The following COL26A1 variants were observed in gnomAD, a reference collection of about 807,000 sequenced individuals.
COL26A1 encodes collagen type XXVI alpha 1 chain, also known as collagen alpha-1(XXVI) chain.
COL26A1 carries 41 observed loss-of-function variants against 59.3 expected under a neutral mutation model. That is an observed-to-expected ratio of 0.69 (90% CI 0.54 to 0.90). COL26A1 has a LOEUF of 0.90. Ranked by LOEUF, COL26A1 falls within the 40% of genes least tolerant of loss-of-function variation. COL26A1 has a pLI of 0.00. For missense variants in COL26A1, 612 were observed against 602.3 expected (o/e 1.02, Z -0.17); for synonymous variants, 266 against 256.0 (o/e 1.04, Z -0.37).
chr7:101,466,424 G>A (rs35556754), intron 3 of COL26A1, among the ~76,000 whole-genome samples: 46,298 of 151,866 alleles, frequency 0.3, 7,496 homozygotes, highest in Non-Finnish European at 0.35. Flanking sequence ...TTGATTAGCC[G>A]GGCACAGTGA....
At chr7:101,527,283 C>T (rs968508515) in intron 3 of COL26A1, among the ~76,000 whole-genome samples, 8 of 152,058 alleles carry the variant, frequency 5.3e-5, no homozygotes, top group Admixed American at 4.6e-4. Context: ...CTCTCTCTCT[C>T]TATGTCTCTG....
At chr7:101,472,094 G>A (rs559490959) in intron 3 of COL26A1, among the ~76,000 whole-genome samples, 40 of 151,700 alleles carry the variant, frequency 2.6e-4, no homozygotes, top group African/African-American at 3.9e-4. Flanking sequence ...AGCCTCAACC[G>A]CCCAGGGTCA....
At position 101,547,223 on chromosome 7, in the gene COL26A1, TC is replaced by T. The variant is rs1351976079; in HGVS notation, c.929del (p.Pro310LeufsTer39). ...VLAGVPGPRG[P>X]PGPPGPPGPR... Reference sequence around the variant, plus strand: ...TGGCAGGTGTCCCAGGACCCCGGGGTCCCCCTGGTCCACCAGGTAAGTGAAT... The same window carrying T: ...TGGCAGGTGTCCCAGGACCCCGGGGTCCCCTGGTCCACCAGGTAAGTGAAT... On this transcript the variant is annotated frameshift_variant, in exon 8 of 13. Coordinates refer to ENST00000313669, the MANE Select transcript of COL26A1 (RefSeq NM_001278563.3). LOFTEE classifies it high-confidence loss of function. 2.5e-6 allele frequency: 4 copies of T among 1,578,252 alleles called. No individual in the cohort carries two copies. In the East Asian group the frequency reaches 9.4e-5, roughly 37 times the overall value.
intron 2 of COL26A1, among the ~76,000 whole-genome samples, chr7:101,444,651 G>C (rs28693641): frequency 0.25 from 37,597 of 151,320 alleles, 9,119 homozygotes; most frequent in African/African-American, 0.64. Flanking sequence ...CCGACCTCAG[G>C]TGATCCGCCC....
At chr7:101,431,356 C>T (rs1346258523) in intron 2 of COL26A1, among the ~76,000 whole-genome samples, 1 of 152,014 alleles carries the variant, frequency 6.6e-6, no homozygotes, top group East Asian at 1.9e-4. Flanking sequence ...ACCTCCTGGG[C>T]TTAAGCAATT....
In COL26A1 at chr7:101,421,606, T is replaced by C. The variant is rs973231803; in HGVS notation, c.281+1507T>C. The stretch of plus-strand genomic sequence containing the variant: ...AGGAGAATCACTTGAACCCAGGAGG[T>C]GGAGATTGCAGTAAACCGAGATTGC... On this transcript the variant is annotated intron_variant, in intron 2 of 12. Transcript: ENST00000313669. 4.7e-5 allele frequency among the ~76,000 whole-genome samples: 7 copies of C among 148,924 alleles called. No homozygotes were observed. In the Admixed American group the frequency reaches 4.7e-4, roughly 10 times the overall value.
chr7:101,502,025 A>C (rs1794717096), intron 3 of COL26A1, among the ~76,000 whole-genome samples: 1 of 152,220 alleles, frequency 6.6e-6, no homozygotes, highest in South Asian at 2.1e-4. Flanking sequence ...CAGAGATGGA[A>C]GCCAGGCTCC....
intron 3 of COL26A1, among the ~76,000 whole-genome samples, chr7:101,529,469 A>G (rs1263659336): frequency 2.0e-5 from 3 of 151,858 alleles, no homozygotes; most frequent in Admixed American, 2.0e-4. Context: ...GGGTTTCACC[A>G]TGTTGGCCAG....
At chr7:101,501,217 G>GAAAAAA (rs111556828) in intron 3 of COL26A1, among the ~76,000 whole-genome samples, 9 of 113,020 alleles carry the variant, frequency 8.0e-5, no homozygotes, top group South Asian at 2.8e-4. Flanking sequence ...GAAAAGAAAA[G>GAAAAAA]AAAAAAAAAA....
chr7:101,497,829 T>A lies in COL26A1; in HGVS notation c.386-35253T>A, dbSNP rs187624972. 6.0e-3 allele frequency among the ~76,000 whole-genome samples: 919 copies of A among 151,988 alleles called. 6 individuals are homozygous for A. The highest frequency in any genetic ancestry group is 0.01 in the Middle Eastern group (3 of 294). On this transcript the variant is annotated intron_variant, in intron 3 of 12. Transcript: ENST00000313669. ...GGCCCCATCTTACAAAAACATTTTT[T>A]AAAAATTTGCTAGGTGTGGTGTCAT...
chr7:101,385,367 G>GTATAGATATATATATATATATATA (rs1791547413), intron 1 of COL26A1, among the ~76,000 whole-genome samples: 1 of 137,022 alleles, frequency 7.3e-6, no homozygotes, highest in African/African-American at 2.5e-5. Flanking sequence ...ATATATGTGT[G>GTATAGATATATATATATATATATA]TATATATATA....
At chr7:101,469,813 G>T (rs1189230301) in intron 3 of COL26A1, among the ~76,000 whole-genome samples, 21 of 151,932 alleles carry the variant, frequency 1.4e-4, no homozygotes, top group Admixed American at 1.4e-3. Flanking sequence ...TCTGCCTCAT[G>T]TTTGGTAATT....
intron 1 of COL26A1, among the ~76,000 whole-genome samples, chr7:101,418,918 C>T (rs1003447362): frequency 2.0e-5 from 3 of 152,036 alleles, no homozygotes; most frequent in Non-Finnish European, 4.4e-5. Flanking sequence ...CATTTATTCC[C>T]TAGCCCGGCA....
At chr7:101,483,852 G>T (rs543580343) in intron 3 of COL26A1, among the ~76,000 whole-genome samples, 3 of 151,656 alleles carry the variant, frequency 2.0e-5, no homozygotes, top group Non-Finnish European at 2.9e-5. Context: ...ATTTTTGTAT[G>T]TTTAGTAGAG....
intron 3 of COL26A1, among the ~76,000 whole-genome samples, chr7:101,462,811 G>T (rs1219047624): frequency 2.6e-5 from 4 of 151,992 alleles, no homozygotes; most frequent in East Asian, 1.9e-4. Flanking sequence ...AGAGAATGGG[G>T]CCCCACGCAG....
chr7:101,489,798 C>A (rs1794383969), intron 3 of COL26A1, among the ~76,000 whole-genome samples: 1 of 1,752 alleles, frequency 5.7e-4, no homozygotes, highest in Non-Finnish European at 1.5e-3. Flanking sequence ...TTCTTTCTTT[C>A]TTTCTTTCTT....
chr7:101,442,316 T>G (rs1793078159), intron 2 of COL26A1, among the ~76,000 whole-genome samples: 1 of 138,490 alleles, frequency 7.2e-6, no homozygotes, highest in African/African-American at 2.7e-5. Flanking sequence ...CCTTTCTGTT[T>G]TTCTAGGTCT....
intron 2 of COL26A1, among the ~76,000 whole-genome samples, chr7:101,443,072 T>C (rs1793101373): frequency 6.6e-6 from 1 of 151,644 alleles, no homozygotes; most frequent in Non-Finnish European, 1.5e-5. Flanking sequence ...TGTATGTGAG[T>C]GTGTGTTTAT....
chr7:101,414,396 C>CTT, intron 1 of COL26A1, among the ~76,000 whole-genome samples: 1 of 151,116 alleles, frequency 6.6e-6, no homozygotes, highest in South Asian at 2.1e-4. Context: ...CTCTCTCTCT[C>CTT]TCTCTCTCTC....
Sources: gnomAD v4.1 joint callset for allele counts (sites outside exome capture counted in the v4.1 genomes callset) on GRCh38, gnomAD v4.1.1 for gene constraint, MANE v1.5 for transcripts, NCBI Gene and HGNC (gene_info 2026-07-23, HGNC 2026-07-21) for gene names.